SLC27A1: variants seen among roughly 807,000 people sequenced by gnomAD.
SLC27A1 encodes long-chain fatty acid transport protein 1.
SLC27A1 carries 61 observed loss-of-function variants against 62.2 expected under a neutral mutation model. The observed-to-expected ratio is 0.98, with a 90% CI of 0.80 to 1.21. The LOEUF (loss-of-function observed/expected upper bound fraction) is 1.21. SLC27A1 is among the 50% of genes most tolerant of loss of function. The probability of loss-of-function intolerance (pLI) is 0.00; values close to 1 mark genes in which losing one functional copy is unlikely to be tolerated. For synonymous variants in SLC27A1, 435 were observed against 408.6 expected, an observed-to-expected ratio of 1.06 and a Z score of -0.78; for missense variants, 903 against 932.1, an observed-to-expected ratio of 0.97 and a Z score of 0.41.
chr19:17,480,096 C>T (rs2075161535), intron 1 of SLC27A1, among the ~76,000 whole-genome samples: 1 of 151,732 alleles, frequency 6.6e-6, no homozygotes, highest in South Asian at 2.1e-4. Flanking sequence ...GGCATGATCT[C>T]AGCTCACTGC....
At position 17,500,619 on chromosome 19, in the gene SLC27A1, C is replaced by T. The variant is rs1460963359; in HGVS notation, c.1458C>T (p.Ser486=). Residue 486 remains serine (S), a synonymous_variant, in exon 9 of 12, where the codon AGC becomes AGT. Transcript: ENST00000252595. ...IAHSVFSKGD[S]AYLSGDVLVM... Reference sequence around the variant, plus strand: ...ACAGCGTCTTCAGCAAGGGCGACAGCGCCTACCTCTCAGGTGCGCAGCCTG... The same window carrying T: ...ACAGCGTCTTCAGCAAGGGCGACAGTGCCTACCTCTCAGGTGCGCAGCCTG... 12 of 1,613,618 alleles carry T rather than the reference C, an allele frequency of 7.4e-6. No homozygotes were observed. The highest frequency in any genetic ancestry group is 3.3e-5 in the Admixed American group (2 of 59,992).
rs148835471 is a variant in SLC27A1 at position 17,482,863 on chromosome 19, C to G, written c.168-3700C>G. ...CATGAAATGAACATTGGTCCACCCT[C>G]TATTGACTGAGCACATACTCCAGCA... On this transcript the variant is annotated intron_variant, in intron 1 of 11. Transcript: ENST00000252595. Among the ~76,000 whole-genome samples, 304 of 152,208 alleles carry G rather than the reference C, an allele frequency of 2.0e-3. 1 individual carries two copies. Among genetic ancestry groups the G allele is most frequent in the African/African-American group, 6.8e-3 (283 of 41,530 alleles).
intron 3 of SLC27A1, 47 bp from the exon 4 acceptor site, chr19:17,487,412 CA>C: frequency 6.5e-7 from 1 of 1,541,160 alleles, no homozygotes. Context: ...TTCCAGGCCC[CA>C]CCCCCCAATG....
chr19:17,472,117 G>A (rs1157516076), intron 1 of SLC27A1, among the ~76,000 whole-genome samples: 2 of 152,182 alleles, frequency 1.3e-5, no homozygotes, highest in Non-Finnish European at 2.9e-5. Context: ...CATACTGGCC[G>A]GGAGCGGTGG....
intron 6 of SLC27A1, among the ~76,000 whole-genome samples, chr19:17,492,100 C>G (rs1410582777): frequency 6.6e-6 from 1 of 152,094 alleles, no homozygotes; most frequent in Non-Finnish European, 1.5e-5. Context: ...CCTCCCTGCA[C>G]CAGATGCCAG....
intron 11 of SLC27A1, among the ~76,000 whole-genome samples, chr19:17,502,679 G>GT (rs972810438): frequency 5.7e-4 from 86 of 149,970 alleles, no homozygotes; most frequent in African/African-American, 1.1e-3. Context: ...TTTTTCTTTT[G>GT]TTTTTTTTGT....
chr19:17,497,049 T>G, intron 6 of SLC27A1: 1 of 526,734 alleles, frequency 1.9e-6, no homozygotes, highest in Non-Finnish European at 3.3e-6. Context: ...AGCTGCATCC[T>G]AGACCCTTTG....
chr19:17,491,880 A>G (rs1599660613), intron 6 of SLC27A1, among the ~76,000 whole-genome samples: 1 of 152,172 alleles, frequency 6.6e-6, no homozygotes, highest in African/African-American at 2.4e-5. Context: ...TCTCAAAAAA[A>G]TAAAAAAAAG....
chr19:17,497,627 G>C (rs1416582182), intron 7 of SLC27A1, 163 bp downstream of exon 7: 5 of 679,036 alleles, frequency 7.4e-6, no homozygotes, highest in Non-Finnish European at 1.3e-5. Flanking sequence ...GGGACTCCCG[G>C]TGCACCACCA....
At position 17,486,819 on chromosome 19, in the gene SLC27A1, G is replaced by A. The variant is rs780986259; in HGVS notation, c.424G>A (p.Val142Met). 6.3e-7 allele frequency: 1 copy of A among 1,594,300 alleles called. No individual in the cohort carries two copies. Among genetic ancestry groups the A allele is most frequent in the Non-Finnish European group, 8.5e-7 (1 of 1,173,626 alleles). ...CTTCCTGGAGGGCCGGCCGGAGTTC[G>A]TGGGGCTGTGGCTGGGCCTGGCCAA... ...AIFLEGRPEF[V>M]GLWLGLAKAG... Residue 142 changes from valine (V) to methionine (M), a missense_variant, in exon 2 of 12, where the codon GTG becomes ATG. Coordinates refer to ENST00000252595, the MANE Select transcript of SLC27A1 (RefSeq NM_198580.3). The surrounding 1 kb of genome is among the most constrained non-coding windows in gnomAD (Gnocchi z 6.6).
At chr19:17,504,344 T>C (rs2075451580) in intron 11 of SLC27A1, 111 bp from the exon 12 acceptor site, 2 of 1,352,356 alleles carry the variant, frequency 1.5e-6, no homozygotes, top group African/African-American at 1.5e-5. Flanking sequence ...AGAACATTCC[T>C]GCCCAGGGGA....
At chr19:17,482,404 C>T (rs1000788197) in intron 1 of SLC27A1, among the ~76,000 whole-genome samples, 6 of 151,910 alleles carry the variant, frequency 3.9e-5, no homozygotes, top group Non-Finnish European at 8.8e-5. Flanking sequence ...TGTAATCCCA[C>T]CACTTTGGGA....
chr19:17,493,427 C>CAAAAAA (rs769247313), intron 6 of SLC27A1, among the ~76,000 whole-genome samples: 16 of 71,954 alleles, frequency 2.2e-4, no homozygotes, highest in Middle Eastern at 0.01. Context: ...AACTCCATCT[C>CAAAAAA]AAAAAAAAAA....
chr19:17,492,134 G>A (rs751987735), intron 6 of SLC27A1, among the ~76,000 whole-genome samples: 1 of 152,104 alleles, frequency 6.6e-6, no homozygotes, highest in Non-Finnish European at 1.5e-5. Context: ...CCCCCAAGTT[G>A]TGACAATTAA....
Position 17,488,860 on chromosome 19 carries a change from GGC to G in SLC27A1, c.808_809del (p.Ala270SerfsTer13). The G allele has an allele frequency of 6.2e-7, 1 of 1,613,734 alleles. No individual in the cohort carries two copies. Among genetic ancestry groups the G allele is most frequent in the Non-Finnish European group, 8.5e-7 (1 of 1,179,948 alleles). On this transcript the variant is annotated frameshift_variant, in exon 5 of 12. Coordinates refer to ENST00000252595, the MANE Select transcript of SLC27A1 (RefSeq NM_198580.3). LOFTEE classifies it high-confidence loss of function. Reference protein sequence around the residue: ...IVVHSRYYRMAAFGHHAYRMQ... With the variant: ...IVVHSRYYRMXAFGHHAYRMQ... The stretch of plus-strand genomic sequence containing the variant: ...CCTCCCCCTGCAGGTACTACCGCAT[GGC>G]AGCCTTCGGCCACCACGCCTACCGC...
chr19:17,504,205 G>A (rs1255311913), intron 11 of SLC27A1, among the ~76,000 whole-genome samples: 1 of 152,154 alleles, frequency 6.6e-6, no homozygotes, highest in Non-Finnish European at 1.5e-5. Flanking sequence ...TGTGGGGAAT[G>A]GACACATGAC....
intron 11 of SLC27A1, chr19:17,503,701 G>T (rs2075442171): frequency 6.6e-6 from 1 of 151,972 alleles, no homozygotes; most frequent in African/African-American, 2.4e-5. Flanking sequence ...AGAGGCCGAG[G>T]CGGGCAGATC....
intron 1 of SLC27A1, among the ~76,000 whole-genome samples, chr19:17,480,105 G>A (rs2144557329): frequency 6.6e-6 from 1 of 152,180 alleles, no homozygotes; most frequent in Non-Finnish European, 1.5e-5. Context: ...TCAGCTCACT[G>A]CAACCTCCAC....
At chr19:17,489,194 C>T in intron 6 of SLC27A1, 77 bp downstream of exon 6, 1 of 1,243,084 alleles carries the variant, frequency 8.0e-7, no homozygotes, top group South Asian at 1.3e-5. Flanking sequence ...GGCCCCACCT[C>T]CTCCCGGTGA....
Sources: gnomAD v4.1 joint callset for allele counts (sites outside exome capture counted in the v4.1 genomes callset) on GRCh38, gnomAD v4.1.1 for gene constraint, Gnocchi (gnomAD v3.1) non-coding constraint, MANE v1.5 for transcripts, NCBI Gene and HGNC (gene_info 2026-07-23, HGNC 2026-07-21) for gene names.